The following PTBP1 variants were observed in gnomAD, a reference collection of about 807,000 sequenced individuals.
PTBP1 encodes the protein polypyrimidine tract binding protein 1.
In PTBP1, 8 loss-of-function variants were observed where a neutral mutation model predicts 59.8. The ratio of observed to expected loss-of-function variants is 0.13; its 90% CI spans 0.08 to 0.24. The LOEUF (loss-of-function observed/expected upper bound fraction) is 0.24, where lower values mean the gene tolerates loss of function less well. Ranked by LOEUF, PTBP1 falls within the 10% of genes least tolerant of loss-of-function variation. The pLI, the probability that PTBP1 is intolerant of heterozygous loss-of-function variation, is 1.00. For missense variants in PTBP1, 686 were observed against 767.0 expected, an observed-to-expected ratio of 0.89 and a Z score of 1.25; for synonymous variants, 490 against 320.7, an observed-to-expected ratio of 1.53 and a Z score of -5.64.
chr19:804,478 T>C (rs1445390687), intron 5 of PTBP1, 40 bp downstream of exon 5: 8 of 1,597,552 alleles, frequency 5.0e-6, no homozygotes, highest in Non-Finnish European at 6.8e-6. Flanking sequence ...CCCGGGGACC[T>C]CGGGGGTGGG....
intron 1 of PTBP1, 112 bp from the exon 2 acceptor site, chr19:799,301 C>T: frequency 1.1e-6 from 1 of 951,788 alleles, no homozygotes; most frequent in Non-Finnish European, 1.7e-6. Context: ...GGGAGCCCTG[C>T]GGAGGTGGCA....
Position 808,760 on chromosome 19 carries a change from C to T in PTBP1, c.1461C>T (p.Ile487=). 1.9e-6 allele frequency: 3 copies of T among 1,610,722 alleles called. No homozygotes were observed. Among genetic ancestry groups the T allele is most frequent in the Non-Finnish European group, 2.5e-6 (3 of 1,178,912 alleles). ...CGGCCACGCTGCACCTCTCCAACAT[C>T]CCGTGAGTGCTGGGCCGGGGGGCTC... ...PPSATLHLSN[I]PPSVSEEDLK... Residue 487 remains isoleucine, a splice_region_variant and synonymous_variant, in exon 13 of 15, where the codon ATC becomes ATT. Transcript: ENST00000356948. The surrounding 1 kb of genome is among the most constrained non-coding windows in gnomAD (Gnocchi z 4.7).
rs1331317107 is a variant in PTBP1, at chr19:805,473, G to C, written c.893-19G>C. ...GTGGAGGTTGTGGGTGCGATGATTAGTGTCTCATTTATTTCTAGGTGCACC... is the reference window on the plus strand; with the variant it reads ...GTGGAGGTTGTGGGTGCGATGATTACTGTCTCATTTATTTCTAGGTGCACC... On this transcript the variant is annotated intron_variant, in intron 8 of 14. Transcript: ENST00000356948. 6.2e-7 allele frequency: 1 copy of C among 1,604,448 alleles called. No homozygotes were observed. The highest frequency in any genetic ancestry group is 1.1e-5 in the South Asian group (1 of 90,888).
At chr19:798,869 G>T (rs1188901758) in intron 1 of PTBP1, among the ~76,000 whole-genome samples, 2 of 152,218 alleles carry the variant, frequency 1.3e-5, no homozygotes, top group African/African-American at 4.8e-5. Context: ...CTGAGGCTGT[G>T]TTCTGGTCGG....
intron 10 of PTBP1, 96 bp downstream of exon 10, chr19:806,652 G>C (rs963004499): frequency 1.6e-6 from 2 of 1,242,272 alleles, no homozygotes; most frequent in African/African-American, 3.2e-5. Context: ...GCCGCCCCTC[G>C]CTGTGTCTGC....
chr19:806,206 G>GAA, intron 9 of PTBP1: 1 of 517,808 alleles, frequency 1.9e-6, no homozygotes, highest in Non-Finnish European at 3.3e-6. Context: ...GTGCTGTGAG[G>GAA]AGAGGCGGGC....
At position 808,876 on chromosome 19, in the gene PTBP1, C is replaced by T. The variant is rs2034711600; in HGVS notation, c.1463+114C>T. 2.0e-6 allele frequency: 2 copies of T among 997,228 alleles called. No individual in the cohort carries two copies. Among genetic ancestry groups the T allele is most frequent in the South Asian group, 1.5e-5 (1 of 65,896 alleles). The allele number at this position is 997,228 out of a possible 1,614,324, so 61.8% of individuals were successfully genotyped here. On this transcript the variant is annotated intron_variant, in intron 13 of 14. Transcript: ENST00000356948. This position sits in a 1 kb window ranked among gnomAD's most constrained non-coding sequence, Gnocchi z 4.7. ...CGTTTCCAGAGTGCAGGTCGGGCAC[C>T]TCTTACCCCAAACCTGAAGTACTGC...
intron 9 of PTBP1, chr19:806,116 C>T (rs902183571): frequency 2.0e-5 from 7 of 348,386 alleles, no homozygotes; most frequent in South Asian, 6.8e-5. Flanking sequence ...CCGAGGGCCC[C>T]GTGTCTGTGC....
At position 811,138 on chromosome 19, in the gene PTBP1, C is replaced by G. The variant is rs967587957; in HGVS notation, c.*312C>G. ...GGGGCCTGCAGGTGGGCGCCCCGAC[C>G]ACGACTTGGCTTCCTTGTGCCTTAA... On this transcript the variant is annotated 3_prime_UTR_variant, in exon 15 of 15. Transcript: ENST00000356948. 9 of 257,736 alleles carry G rather than the reference C, an allele frequency of 3.5e-5. No homozygotes were observed. Among genetic ancestry groups the G allele is most frequent in the Non-Finnish European group, 6.6e-5 (9 of 137,094 alleles). 16.0% of individuals were successfully genotyped at this position (257,736 alleles called of 1,614,324 possible).
intron 8 of PTBP1, 145 bp from the exon 9 acceptor site, chr19:805,347 C>A: frequency 8.4e-7 from 1 of 1,189,652 alleles, no homozygotes; most frequent in Non-Finnish European, 1.2e-6. Flanking sequence ...CACGTCGGGA[C>A]CACGGCCCCC....
At chr19:805,719 CAG>C in intron 9 of PTBP1, 150 bp downstream of exon 9, 1 of 713,968 alleles carries the variant, frequency 1.4e-6, no homozygotes, top group South Asian at 1.6e-5. Flanking sequence ...GCCACGTCCA[CAG>C]AGCAGGCTTG....
chr19:799,575 G>C, intron 2 of PTBP1, 132 bp downstream of exon 2: 2 of 921,498 alleles, frequency 2.2e-6, no homozygotes, highest in Non-Finnish European at 3.6e-6. Flanking sequence ...CCTTGGTCTG[G>C]AATCTGGAGT....
chr19:801,954 C>T (rs903610497), intron 2 of PTBP1, among the ~76,000 whole-genome samples: 2 of 152,198 alleles, frequency 1.3e-5, no homozygotes, highest in African/African-American at 4.8e-5. Context: ...ACCTCAGGGC[C>T]GCCGTGACAC....
chr19:800,779 C>A (rs988449441), intron 2 of PTBP1, among the ~76,000 whole-genome samples: 1 of 152,182 alleles, frequency 6.6e-6, no homozygotes, highest in Non-Finnish European at 1.5e-5. Context: ...TGCAGGCAGT[C>A]GTCTCTTCCC....
chr19:799,392 C>G, intron 1 of PTBP1, 21 bp from the exon 2 acceptor site: 1 of 1,613,356 alleles, frequency 6.2e-7, no homozygotes. Flanking sequence ...CTAACGTTGT[C>G]TCCTTTCTTT....
intron 9 of PTBP1, 100 bp from the exon 10 acceptor site, chr19:806,308 G>A (rs947752855): frequency 1.5e-6 from 2 of 1,343,870 alleles, no homozygotes; most frequent in Admixed American, 3.4e-5. Flanking sequence ...CCTCCCGCGC[G>A]GCTCGGCTCC....
intron 10 of PTBP1, 61 bp downstream of exon 10, chr19:806,617 G>A (rs1030844741): frequency 3.5e-6 from 5 of 1,417,386 alleles, no homozygotes; most frequent in Non-Finnish European, 3.7e-6. Context: ...GGGATGTTGT[G>A]CTCGGGCTCG....
rs373822736 is a variant in PTBP1 at position 804,817 on chromosome 19, C to G, written c.607-12C>G. 2 of 1,611,946 alleles carry G rather than the reference C, an allele frequency of 1.2e-6. No individual in the cohort carries two copies. Among genetic ancestry groups the G allele is most frequent in the Non-Finnish European group, 8.5e-7 (1 of 1,178,108 alleles). On this transcript the variant is annotated splice_polypyrimidine_tract_variant and intron_variant, in intron 6 of 14. Coordinates refer to ENST00000356948, the MANE Select transcript of PTBP1 (RefSeq NM_002819.5). ...CCGGGCAGGAGCTCATGCTGTGGCC[C>G]GGGACCTGCAGATTTTCTCCAAGTT...
intron 13 of PTBP1, among the ~76,000 whole-genome samples, chr19:810,162 C>T (rs888586652): frequency 2.0e-5 from 3 of 152,192 alleles, no homozygotes; most frequent in African/African-American, 7.2e-5. Context: ...AAAAAATTAG[C>T]CTGGCATGGT....
Sources: allele counts gnomAD v4.1 joint callset (sites outside exome capture counted in the v4.1 genomes callset), GRCh38; gene constraint gnomAD v4.1.1; non-coding constraint Gnocchi (gnomAD v3.1); transcripts MANE v1.5; gene names NCBI Gene and HGNC (gene_info 2026-07-23, HGNC 2026-07-21).